The following C11orf16 variants were observed in gnomAD, a reference collection of about 807,000 sequenced individuals.
C11orf16 encodes uncharacterized protein C11orf16.
A neutral mutation model predicts 45.1 loss-of-function variants in C11orf16; 38 were observed. The ratio of observed to expected loss-of-function variants is 0.84; its 90% CI spans 0.65 to 1.10. C11orf16 has a LOEUF of 1.10. Ranked by LOEUF, C11orf16 falls within the 50% of genes least tolerant of loss-of-function variation. C11orf16 has a pLI of 0.00. For missense variants in C11orf16, 583 were observed against 569.5 expected (o/e 1.02, Z -0.24); for synonymous variants, 221 against 222.0 (o/e 1.00, Z 0.04).
chr11:8,932,162 G>A lies in C11orf16; in HGVS notation c.147C>T (p.Thr49=), dbSNP rs112748432. Reference sequence around the variant, plus strand: ...GGTACCTTGCAAGGGGCTTGTGCCCGGTGAGCCAGGGTGCTTGGAGGGCAA... The same window carrying A: ...GGTACCTTGCAAGGGGCTTGTGCCCAGTGAGCCAGGGTGCTTGGAGGGCAA... ...YPFALQAPWL[T]GHKPLARHAS... The change falls in exon 2 of 7, where the codon ACC becomes ACT. Residue 49 remains threonine (T), a synonymous_variant. Transcript: ENST00000326053. 2.9e-5 allele frequency: 46 copies of A among 1,584,164 alleles called. No homozygotes were observed. Among genetic ancestry groups the A allele is most frequent in the Non-Finnish European group, 3.6e-5 (42 of 1,165,794 alleles).
chr11:8,927,060 G>A lies in C11orf16; in HGVS notation c.439C>T (p.Pro147Ser). Residue 147 changes from proline (P) to serine (S), a missense_variant, in exon 4 of 7, where the codon CCA becomes TCA. Coordinates refer to ENST00000326053, the MANE Select transcript of C11orf16 (RefSeq NM_020643.3). ...VLEEDVIPLSPSVGYSLRPGD... is the reference protein window; with the variant it reads ...VLEEDVIPLSSSVGYSLRPGD... ...GGTCTCAGTGAGTATCCTACAGATG[G>A]TGAGAGAGGAATGACATCCTCTTCT... 6.2e-7 allele frequency: 1 copy of A among 1,614,114 alleles called. No individual in the cohort carries two copies. Among genetic ancestry groups the A allele is most frequent in the Non-Finnish European group, 8.5e-7 (1 of 1,180,002 alleles).
At chr11:8,920,497 T>A (rs1425578911) in intron 6 of C11orf16, 47 bp from the exon 7 acceptor site, 1 of 645,466 alleles carries the variant, frequency 1.5e-6, no homozygotes, top group Non-Finnish European at 2.8e-6. Context: ...TGACTGCAAT[T>A]TTAAGAATCA....
rs1403985709 is a variant in C11orf16, at chr11:8,921,360, T to C, written c.1360A>G (p.Ser454Gly). ...CACTGACATATTGCAAGGCTCTGAC[T>C]CCGCTTTCTGTGTTCAGCTTCCCCT... ...PPGEAEHRKRSQSLAICQWNK... is the reference protein window; with the variant it reads ...PPGEAEHRKRGQSLAICQWNK... Residue 454 changes from serine (S) to glycine (G), a missense_variant, in exon 6 of 7, where the codon AGT becomes GGT. Ser to Gly is a moderately conservative substitution (Grantham distance 56). Transcript: ENST00000326053. 1 of 1,614,090 alleles carries C rather than the reference T, an allele frequency of 6.2e-7. No individual in the cohort carries two copies. Among genetic ancestry groups the C allele is most frequent in the African/African-American group, 1.3e-5 (1 of 74,926 alleles).
chr11:8,922,253 G>T (rs1162699555), intron 5 of C11orf16, among the ~76,000 whole-genome samples: 2 of 152,110 alleles, frequency 1.3e-5, no homozygotes, highest in African/African-American at 4.8e-5. Flanking sequence ...CACACCTGTA[G>T]TCCCGACTAT....
intron 3 of C11orf16, chr11:8,929,156 A>G: frequency 2.2e-6 from 1 of 461,408 alleles, no homozygotes; most frequent in South Asian, 4.7e-5. Context: ...GAGATGACAC[A>G]TTTCTGTGGT....
In C11orf16 at chr11:8,925,682, G is replaced by T; in HGVS notation, c.985C>A (p.His329Asn). The T allele has an allele frequency of 6.2e-7, 1 of 1,614,266 alleles. No homozygotes were observed. Among genetic ancestry groups the T allele is most frequent in the Non-Finnish European group, 8.5e-7 (1 of 1,180,052 alleles). ...EGPKEEKVAM[H>N]APLAVSSSSS... is the part of the protein sequence containing the mutation. ...GAGGAAGAAACAGCCAGGGGAGCGTGCATTGCTACTTTCTCCTCTTTAGGA... is the reference window on the plus strand; with the variant it reads ...GAGGAAGAAACAGCCAGGGGAGCGTTCATTGCTACTTTCTCCTCTTTAGGA... The change falls in exon 5 of 7, where the codon CAC becomes AAC. Residue 329 changes from histidine (H) to asparagine (N), a missense_variant. Physicochemically the swap from His to Asn is moderately conservative, Grantham distance 68. Transcript: ENST00000326053.
rs1397962960 is a variant in C11orf16 at position 8,925,971 on chromosome 11, C to T, written c.696G>A (p.Glu232=). 6.2e-7 allele frequency: 1 copy of T among 1,614,114 alleles called. No individual in the cohort carries two copies. Among genetic ancestry groups the T allele is most frequent in the Non-Finnish European group, 8.5e-7 (1 of 1,180,012 alleles). Residue 232 remains glutamate (E), a synonymous_variant, in exon 5 of 7, where the codon GAG becomes GAA. Transcript: ENST00000326053. ...GGGCCCAGTGAAGGGGCCTGGGGTG[C>T]TCCCTGGTGAAAGACTTGTGCAGCC... ...VERLHKSFTR[E]HPRPLHWAPC...
chr11:8,927,501 A>G (rs2064622672), intron 3 of C11orf16: 1 of 428,226 alleles, frequency 2.3e-6, no homozygotes, highest in African/African-American at 2.0e-5. Flanking sequence ...GCCAGGAGTT[A>G]CCTGGGTCCT....
At chr11:8,926,816 G>GA (rs1212640753) in intron 4 of C11orf16, 124 bp downstream of exon 4, 10 of 686,630 alleles carry the variant, frequency 1.5e-5, no homozygotes, top group East Asian at 2.7e-5. Flanking sequence ...AAGCAAGGGG[G>GA]AAAAATTCTC....
At chr11:8,926,830 T>C (rs2064617291) in intron 4 of C11orf16, 110 bp downstream of exon 4, 1 of 796,536 alleles carries the variant, frequency 1.3e-6, no homozygotes, top group African/African-American at 1.7e-5. Flanking sequence ...AATTCTCTTC[T>C]TAATGCCTTA....
In C11orf16 at chr11:8,929,368, G is replaced by A; in HGVS notation, c.324+9C>T. ...GCACGCCAGGGAGATACTGGGGTCAGGGACTTGCCTCGGGAGTGGCCTTTA... is the reference window on the plus strand; with the variant it reads ...GCACGCCAGGGAGATACTGGGGTCAAGGACTTGCCTCGGGAGTGGCCTTTA... On this transcript the variant is annotated intron_variant, in intron 3 of 6. Transcript: ENST00000326053. 1 of 1,612,740 alleles carries A rather than the reference G, an allele frequency of 6.2e-7. No individual in the cohort carries two copies. Among genetic ancestry groups the A allele is most frequent in the South Asian group, 1.1e-5 (1 of 90,808 alleles).
Position 8,925,806 on chromosome 11 carries a change from TGGC to T in C11orf16, c.858_860del (p.Pro287del), listed in dbSNP as rs1199934314. 3.1e-6 allele frequency: 5 copies of T among 1,614,108 alleles called. No homozygotes were observed. The highest frequency in any genetic ancestry group is 2.2e-5 in the South Asian group (2 of 91,088). ...TTAGAGGCCACCAAGTCGTGCCACATGGCGGGCAGCCACAGAGGCAGCCCTGGC... is the reference window on the plus strand; with the variant it reads ...TTAGAGGCCACCAAGTCGTGCCACATGGGCAGCCACAGAGGCAGCCCTGGC... On this transcript the variant is annotated inframe_deletion, in exon 5 of 7. Transcript: ENST00000326053.
chr11:8,931,327 A>G (rs1183659058), intron 2 of C11orf16, among the ~76,000 whole-genome samples: 2 of 151,816 alleles, frequency 1.3e-5, no homozygotes, highest in East Asian at 3.9e-4. Flanking sequence ...GAGTTCAAGC[A>G]ATTTTCCTGC....
rs1316597428 is a variant in C11orf16 at position 8,920,185 on chromosome 11, T to C, written c.*288A>G. On this transcript the variant is annotated 3_prime_UTR_variant, in exon 7 of 7. Coordinates refer to ENST00000326053, the MANE Select transcript of C11orf16 (RefSeq NM_020643.3). Reference sequence around the variant, plus strand: ...GTGGACACATTTGCCCAAAGCAGGCTGACCCCCTCTTCCACGGAAGAGGCA... The same window carrying C: ...GTGGACACATTTGCCCAAAGCAGGCCGACCCCCTCTTCCACGGAAGAGGCA... 2 of 376,022 alleles carry C rather than the reference T, an allele frequency of 5.3e-6. No homozygotes were observed. The highest frequency in any genetic ancestry group is 9.4e-6 in the Non-Finnish European group (2 of 212,120). The allele number at this position is 376,022 out of a possible 1,614,324, so 23.3% of individuals were successfully genotyped here. A position where few individuals can be genotyped will look rare whatever the true frequency, so the allele number is the denominator to read the frequency against.
chr11:8,931,209 CTTTT>C (rs34939195), intron 2 of C11orf16, among the ~76,000 whole-genome samples: 2 of 144,716 alleles, frequency 1.4e-5, no homozygotes, highest in Non-Finnish European at 3.1e-5. Flanking sequence ...GAGCAAGTCT[CTTTT>C]TTTTTTTTTT....
At chr11:8,921,071 CAG>C (rs1350376453) in intron 6 of C11orf16, among the ~76,000 whole-genome samples, 1 of 152,156 alleles carries the variant, frequency 6.6e-6, no homozygotes, top group African/African-American at 2.4e-5. Context: ...TACCATAGAA[CAG>C]AGGGTCATTT....
chr11:8,920,298 C>T lies in C11orf16; in HGVS notation c.*175G>A, dbSNP rs1589930234. The stretch of plus-strand genomic sequence containing the variant: ...AGCCCTCACAACAGGTGCCTTCCTG[C>T]TGCTTATCTGCAGGGAGGTCTTCGT... On this transcript the variant is annotated 3_prime_UTR_variant, in exon 7 of 7. Coordinates refer to ENST00000326053, the MANE Select transcript of C11orf16 (RefSeq NM_020643.3). 2.0e-6 allele frequency: 1 copy of T among 500,566 alleles called. No homozygotes were observed. Among genetic ancestry groups the T allele is most frequent in the East Asian group, 3.4e-5 (1 of 29,440 alleles). The allele number at this position is 500,566 out of a possible 1,614,324, so 31.0% of individuals were successfully genotyped here. A position where few individuals can be genotyped will look rare whatever the true frequency, so the allele number is the denominator to read the frequency against.
chr11:8,931,672 G>C (rs1158640958), intron 2 of C11orf16, among the ~76,000 whole-genome samples: 1 of 152,200 alleles, frequency 6.6e-6, no homozygotes, highest in Non-Finnish European at 1.5e-5. Context: ...TTACAGGCAT[G>C]AGCCACCATG....
chr11:8,921,471 GT>G lies in C11orf16; in HGVS notation c.1248del (p.Lys416AsnfsTer9), dbSNP rs770037891. The G allele has an allele frequency of 6.2e-6, 10 of 1,614,208 alleles. No individual in the cohort carries two copies. In the South Asian group the frequency reaches 9.9e-5, roughly 16 times the overall value. On this transcript the variant is annotated frameshift_variant, in exon 6 of 7. Transcript: ENST00000326053. LOFTEE classifies it high-confidence loss of function. ...SNICKEEKDH[K>X]QQRAQTAVVG... ...ACTACTGCAGTTTGTGCTCTCTGCT[GT>G]TTGTGATCCTTTTCTTCTTTGCAGA...
Sources: allele counts gnomAD v4.1 joint callset (sites outside exome capture counted in the v4.1 genomes callset), GRCh38; gene constraint gnomAD v4.1.1; transcripts MANE v1.5; gene names NCBI Gene and HGNC (gene_info 2026-07-23, HGNC 2026-07-21).